The following CFAP92 variants were observed in gnomAD, a reference collection of about 807,000 sequenced individuals.
CFAP92 encodes the protein uncharacterized protein CFAP92.
Under a neutral mutation model 106.3 loss-of-function variants are expected in CFAP92, and 86 were observed. The observed-to-expected ratio is 0.81, with a 90% CI of 0.68 to 0.97. The LOEUF (loss-of-function observed/expected upper bound fraction) is 0.97, where lower values mean the gene tolerates loss of function less well. CFAP92 is among the 50% of genes least tolerant of loss of function. CFAP92 has a pLI of 0.00. For missense variants in CFAP92, 1,204 were observed against 1,283.8 expected (o/e 0.94, Z 0.95); for synonymous variants, 477 against 506.4 (o/e 0.94, Z 0.78).
chr3:128,978,153 A>C lies in CFAP92; in HGVS notation c.700T>G (p.Leu234Val). Residue 234 changes from leucine (L) to valine (V), a missense_variant, in exon 5 of 16, where the codon TTA becomes GTA. Leu to Val is a conservative substitution (Grantham distance 32, BLOSUM62 1). Coordinates refer to ENST00000645291, the MANE Select transcript of CFAP92 (RefSeq NM_001394090.1). ...VRHLVLNQRK[L>V]SEQGIENTNI... The stretch of plus-strand genomic sequence containing the variant: ...GTATTCTCAATGCCCTGTTCAGATA[A>C]TTTTCTCTGATTTAAAACCAAATGT... The C allele has an allele frequency of 6.2e-7, 1 of 1,613,710 alleles. No homozygotes were observed. Among genetic ancestry groups the C allele is most frequent in the Non-Finnish European group, 8.5e-7 (1 of 1,179,762 alleles).
chr3:128,997,461 A>T (rs1490132922), upstream of CFAP92, among the ~76,000 whole-genome samples: 1 of 152,214 alleles, frequency 6.6e-6, no homozygotes, highest in Non-Finnish European at 1.5e-5. Context: ...CACATTTATA[A>T]TTAATCTCTG....
chr3:128,993,871 G>A, intron 1 of CFAP92, 109 bp downstream of exon 1: 1 of 845,486 alleles, frequency 1.2e-6, no homozygotes, highest in East Asian at 1.2e-4. Context: ...GGAACGCCGG[G>A]CAAACGCCGA....
At chr3:128,960,716 T>TG (rs1030884953) in intron 9 of CFAP92, among the ~76,000 whole-genome samples, 16 of 152,296 alleles carry the variant, frequency 1.1e-4, no homozygotes, top group African/African-American at 3.8e-4. Context: ...CCCGCTTTTC[T>TG]GGGGAAGGGG....
chr3:128,983,459 G>A (rs1943651612), intron 4 of CFAP92, among the ~76,000 whole-genome samples: 1 of 152,156 alleles, frequency 6.6e-6, no homozygotes, highest in Non-Finnish European at 1.5e-5. Flanking sequence ...AACAAAGCCA[G>A]GACTGCACTC....
intron 8 of CFAP92, chr3:128,971,000 G>A: frequency 2.1e-6 from 1 of 473,352 alleles, no homozygotes; most frequent in South Asian, 3.7e-5. Context: ...ACACAATGAT[G>A]ACATTTAATA....
chr3:128,941,773 G>A (rs947073146), intron 10 of CFAP92, among the ~76,000 whole-genome samples: 1 of 152,122 alleles, frequency 6.6e-6, no homozygotes, highest in African/African-American at 2.4e-5. Context: ...CACTGTGCCC[G>A]GCCCACCCTG....
chr3:128,940,762 A>G (rs528753332), intron 10 of CFAP92, among the ~76,000 whole-genome samples: 1 of 152,258 alleles, frequency 6.6e-6, no homozygotes, highest in East Asian at 1.9e-4. Context: ...CTTGATATCT[A>G]GTACAGCAAG....
intron 4 of CFAP92, among the ~76,000 whole-genome samples, chr3:128,978,594 T>C (rs558269163): frequency 6.6e-6 from 1 of 152,190 alleles, no homozygotes; most frequent in South Asian, 2.1e-4. Context: ...CTCGTACTGG[T>C]ACCAAAACAG....
In CFAP92 at chr3:128,932,919, TA is replaced by T; in HGVS notation, c.2531del (p.Ile844LysfsTer4). On this transcript the variant is annotated frameshift_variant, in exon 12 of 16. Transcript: ENST00000645291. LOFTEE classifies it high-confidence loss of function. The stretch of plus-strand genomic sequence containing the variant: ...TCCCAAACTCTTGGCTCAAGTCTTT[TA>T]TCATAGCAGAGGAGGGCAGCAGGTC... ...VRDLLPSSAM[I>X]KDLSQEFGMP... The T allele has an allele frequency of 6.5e-7, 1 of 1,536,144 alleles. No homozygotes were observed. Among genetic ancestry groups the T allele is most frequent in the Non-Finnish European group, 8.7e-7 (1 of 1,146,914 alleles).
In CFAP92 at chr3:128,964,158, C is replaced by T. The variant is rs527265076; in HGVS notation, c.1353+1353G>A. Among the ~76,000 whole-genome samples the T allele has an allele frequency of 3.9e-5, 6 of 152,302 alleles. No individual in the cohort carries two copies. The East Asian group carries it at 9.6e-4, about 24-fold the overall frequency. Reference sequence around the variant, plus strand: ...GGCTCTTAGTAGGTTTCAGTGAAACCTTTATATCCCTTACGGTCCTCCGTC... The same window carrying T: ...GGCTCTTAGTAGGTTTCAGTGAAACTTTTATATCCCTTACGGTCCTCCGTC... On this transcript the variant is annotated intron_variant, in intron 9 of 15. Coordinates refer to ENST00000645291, the MANE Select transcript of CFAP92 (RefSeq NM_001394090.1).
chr3:128,935,426 C>G, intron 10 of CFAP92, 107 bp from the exon 11 acceptor site: 1 of 713,010 alleles, frequency 1.4e-6, no homozygotes, highest in Admixed American at 3.0e-5. Context: ...AAAACAAACC[C>G]AGGGGCCGGG....
chr3:128,916,387 C>CA, intron 12 of CFAP92, 116 bp from the exon 13 acceptor site: 16 of 629,100 alleles, frequency 2.5e-5, no homozygotes, highest in South Asian at 8.6e-5. Flanking sequence ...TTGATTGATT[C>CA]TTCAATACTG....
chr3:129,004,305 C>G (rs1166633143), upstream of CFAP92, among the ~76,000 whole-genome samples: 2 of 152,032 alleles, frequency 1.3e-5, no homozygotes, highest in African/African-American at 4.8e-5. Context: ...ATCCATCCAT[C>G]TGTCCATCCA....
intron 1 of CFAP92, chr3:129,002,386 G>A: frequency 1.4e-6 from 2 of 1,474,758 alleles, no homozygotes. Flanking sequence ...CTAAAAGCTG[G>A]CTGGCTGCGG....
chr3:129,002,483 CCT>C, intron 1 of CFAP92: 10 of 1,328,464 alleles, frequency 7.5e-6, no homozygotes, highest in Non-Finnish European at 9.7e-6. Flanking sequence ...GCATCTTGCC[CCT>C]GTTCCTCCCC....
intron 9 of CFAP92, among the ~76,000 whole-genome samples, chr3:128,961,142 T>A (rs1559901044): frequency 6.6e-6 from 1 of 152,206 alleles, no homozygotes; most frequent in Non-Finnish European, 1.5e-5. Context: ...TAGTTCCAAA[T>A]AGCCAGAAAA....
chr3:129,004,826 C>T (rs953989995), upstream of CFAP92, among the ~76,000 whole-genome samples: 2 of 152,080 alleles, frequency 1.3e-5, no homozygotes, highest in African/African-American at 2.4e-5. Flanking sequence ...GTGCTAGCTC[C>T]ACCAGGGCAG....
At chr3:128,975,505 G>C (rs766064914) in intron 7 of CFAP92, among the ~76,000 whole-genome samples, 6 of 151,892 alleles carry the variant, frequency 4.0e-5, no homozygotes, top group Non-Finnish European at 7.4e-5. Context: ...CAGATGAATG[G>C]ATGGGGATGG....
At chr3:128,970,294 T>C (rs1322621244) in intron 8 of CFAP92, 1 of 151,864 alleles carries the variant, frequency 6.6e-6, no homozygotes. Flanking sequence ...TCAAACTGAA[T>C]TGACACCAAC....
Sources: allele counts gnomAD v4.1 joint callset (sites outside exome capture counted in the v4.1 genomes callset), GRCh38; gene constraint gnomAD v4.1.1; transcripts MANE v1.5; gene names NCBI Gene and HGNC (gene_info 2026-07-23, HGNC 2026-07-21).